TMEM19: variants seen among roughly 807,000 people sequenced by gnomAD.
The protein encoded by TMEM19 is transmembrane protein 19.
A neutral mutation model predicts 33.6 loss-of-function variants in TMEM19; 21 were observed. The observed-to-expected ratio is 0.62, with a 90% CI of 0.44 to 0.90. The LOEUF is 0.90. Among genes scored for constraint, TMEM19 ranks in the 40% least tolerant of loss-of-function variants. The pLI, the probability that TMEM19 is intolerant of heterozygous loss-of-function variation, is 0.00. For synonymous variants in TMEM19, 149 were observed against 147.5 expected (o/e 1.01, Z -0.07); for missense variants, 402 against 401.8 (o/e 1.00, Z 0.00).
rs894600091 is a variant in TMEM19, at chr12:71,697,008, A to G, written c.383-272A>G. ...CAAAACACATCAATTTTATATGAGA[A>G]TTCCTTTAGTAGCCAAATTGAGTTT... On this transcript the variant is annotated intron_variant, in intron 3 of 5. Coordinates refer to ENST00000266673, the MANE Select transcript of TMEM19 (RefSeq NM_018279.4). Among the ~76,000 whole-genome samples, 5 of 152,284 alleles carry G rather than the reference A, an allele frequency of 3.3e-5. No individual in the cohort carries two copies. In the East Asian group the frequency reaches 7.7e-4, roughly 24 times the overall value.
In TMEM19 at chr12:71,701,118, T is replaced by G; in HGVS notation, c.*123T>G. The stretch of plus-strand genomic sequence containing the variant: ...AATGCCAGTTCCTCCTGTATTCCAT[T>G]GAGATGGGATTTCACATTTTCCTCT... On this transcript the variant is annotated 3_prime_UTR_variant, in exon 6 of 6. Transcript: ENST00000266673. 1 of 994,076 alleles carries G rather than the reference T, an allele frequency of 1.0e-6. No homozygotes were observed. Among genetic ancestry groups the G allele is most frequent in the Non-Finnish European group, 1.4e-6 (1 of 702,520 alleles). 61.6% of individuals were successfully genotyped at this position (994,076 alleles called of 1,614,324 possible).
intron 4 of TMEM19, among the ~76,000 whole-genome samples, chr12:71,698,548 G>A (rs1445051380): frequency 6.6e-6 from 1 of 151,300 alleles, no homozygotes; most frequent in African/African-American, 2.4e-5. Flanking sequence ...GGCTGCAGTA[G>A]GCTATGATCA....
At chr12:71,689,491 A>G (rs1175526188) in intron 1 of TMEM19, 100 bp from the exon 2 acceptor site, 3 of 840,874 alleles carry the variant, frequency 3.6e-6, no homozygotes, top group Middle Eastern at 2.2e-4. Context: ...GTTTGTACTT[A>G]TGACAGTATT....
At chr12:71,697,600 TA>T in intron 4 of TMEM19, 66 bp downstream of exon 4, 1 of 1,495,912 alleles carries the variant, frequency 6.7e-7, no homozygotes, top group Non-Finnish European at 8.8e-7. Flanking sequence ...TGAGATTCTT[TA>T]AAAAAACCAA....
chr12:71,698,762 A>G (rs1055852786), intron 4 of TMEM19, 138 bp from the exon 5 acceptor site: 13 of 734,890 alleles, frequency 1.8e-5, no homozygotes, highest in Admixed American at 2.8e-5. Context: ...CTGTTTTCTA[A>G]AAAGCTACAG....
At chr12:71,689,274 A>G (rs1274738845) in intron 1 of TMEM19, among the ~76,000 whole-genome samples, 1 of 152,230 alleles carries the variant, frequency 6.6e-6, no homozygotes, top group East Asian at 1.9e-4. Context: ...TATTCAGTAC[A>G]GTAACATGCT....
chr12:71,700,074 A>G (rs767073812), intron 5 of TMEM19, among the ~76,000 whole-genome samples: 1 of 152,136 alleles, frequency 6.6e-6, no homozygotes, highest in Non-Finnish European at 1.5e-5. Context: ...AGCACTCTTC[A>G]TGCCTCAGAA....
At position 71,698,932 on chromosome 12, in the gene TMEM19, G is replaced by T. The variant is rs373448030; in HGVS notation, c.670G>T (p.Val224Phe). 1 of 1,614,148 alleles carries T rather than the reference G, an allele frequency of 6.2e-7. No individual in the cohort carries two copies. The highest frequency in any genetic ancestry group is 8.5e-7 in the Non-Finnish European group (1 of 1,180,030). Residue 224 changes from valine (V) to phenylalanine (F), a missense_variant, in exon 5 of 6, where the codon GTC (valine) becomes TTC (phenylalanine). By Grantham distance (50) the Val-to-Phe change is conservative. Coordinates refer to ENST00000266673, the MANE Select transcript of TMEM19 (RefSeq NM_018279.4). The stretch of plus-strand genomic sequence containing the variant: ...TGGAGGAGTTACAGTGGTGGGCCTT[G>T]TCTCCAGTCTCCTTGGTGGTACCTT... ...TNGGVTVVGL[V>F]SSLLGGTFVG...
At chr12:71,690,973 C>G (rs1450907865) in intron 2 of TMEM19, among the ~76,000 whole-genome samples, 1 of 152,178 alleles carries the variant, frequency 6.6e-6, no homozygotes, top group Admixed American at 6.5e-5. Context: ...CTGTTGTACT[C>G]TTTTTCTTAA....
intron 4 of TMEM19, among the ~76,000 whole-genome samples, chr12:71,697,958 A>C (rs1255848192): frequency 1.3e-5 from 2 of 152,100 alleles, no homozygotes. Flanking sequence ...CCAAAATCTC[A>C]AACTTTTTGA....
At chr12:71,690,397 C>G (rs1474581924) in intron 2 of TMEM19, 1 of 152,182 alleles carries the variant, frequency 6.6e-6, no homozygotes, top group Admixed American at 6.5e-5. Flanking sequence ...CAAGTGATCA[C>G]CTGCCTGGGC....
chr12:71,689,932 T>A (rs1881757117), intron 2 of TMEM19, among the ~76,000 whole-genome samples: 1 of 152,172 alleles, frequency 6.6e-6, no homozygotes, highest in Admixed American at 6.5e-5. Context: ...TGATACAAAG[T>A]AGATTAATAG....
intron 4 of TMEM19, among the ~76,000 whole-genome samples, chr12:71,698,174 C>T (rs1881908609): frequency 6.6e-6 from 1 of 152,148 alleles, no homozygotes; most frequent in South Asian, 2.1e-4. Context: ...TCTGATGCTT[C>T]TCTTCCTCTT....
At chr12:71,686,931 C>T in intron 1 of TMEM19, 121 bp downstream of exon 1, 1 of 925,804 alleles carries the variant, frequency 1.1e-6, no homozygotes, top group South Asian at 2.0e-5. Context: ...GTTTACTTAA[C>T]TTCCATAGCC....
intron 2 of TMEM19, among the ~76,000 whole-genome samples, chr12:71,691,116 A>C (rs530248321): frequency 2.4e-4 from 37 of 152,202 alleles, no homozygotes; most frequent in Non-Finnish European, 4.1e-4. Flanking sequence ...ACACATAGCC[A>C]ACATTTATTC....
chr12:71,686,713 A>T lies in TMEM19; in HGVS notation c.33A>T (p.Arg11Ser). 2 of 1,611,826 alleles carry T rather than the reference A, an allele frequency of 1.2e-6. No homozygotes were observed. The highest frequency in any genetic ancestry group is 1.7e-6 in the Non-Finnish European group (2 of 1,179,288). MTDLNDNICK[R>S]YIKMITNIVI... ...ATCTTAACGACAATATATGCAAAAG[A>T]TATATAAAGATGATAACTAATATAG... The change falls in exon 1 of 6, where the codon AGA becomes AGT. Residue 11 changes from arginine to serine, a missense_variant. Transcript: ENST00000266673.
chr12:71,689,454 A>T, intron 1 of TMEM19, 137 bp from the exon 2 acceptor site: 1 of 692,520 alleles, frequency 1.4e-6, no homozygotes, highest in Non-Finnish European at 2.6e-6. Flanking sequence ...GCATGACTAT[A>T]TATTTCTTTG....
At chr12:71,698,428 A>G (rs1022743948) in intron 4 of TMEM19, among the ~76,000 whole-genome samples, 5 of 152,336 alleles carry the variant, frequency 3.3e-5, no homozygotes, top group South Asian at 2.1e-4. Flanking sequence ...AATTAACTAC[A>G]GTCACATGGC....
Position 71,686,233 on chromosome 12 carries a change from C to G in TMEM19, c.-448C>G, listed in dbSNP as rs1332787269. 9.4e-6 allele frequency: 2 copies of G among 213,612 alleles called. No homozygotes were observed. Among genetic ancestry groups the G allele is most frequent in the Admixed American group, 6.4e-5 (1 of 15,666 alleles). The allele number at this position is 213,612 out of a possible 1,614,324, so 13.2% of individuals were successfully genotyped here. On this transcript the variant is annotated 5_prime_UTR_variant, in exon 1 of 6. Transcript: ENST00000266673. ...GCGTTCAGCCGCGTCGGGCGTGCTT[C>G]CCAGACTTGCCCAAGTTCGGGTGCC...
Sources: allele counts gnomAD v4.1 joint callset (sites outside exome capture counted in the v4.1 genomes callset), GRCh38; gene constraint gnomAD v4.1.1; transcripts MANE v1.5; gene names NCBI Gene and HGNC (gene_info 2026-07-23, HGNC 2026-07-21).